Variants in PLCB1 observed in about 807,000 individuals in gnomAD.
The protein encoded by PLCB1 is 1-phosphatidylinositol 4,5-bisphosphate phosphodiesterase beta-1.
PLCB1 carries 46 observed loss-of-function variants against 161.8 expected under a neutral mutation model. The ratio of observed to expected loss-of-function variants is 0.28; its 90% CI spans 0.22 to 0.36. PLCB1 has a LOEUF of 0.36. PLCB1 is among the 10% of genes least tolerant of loss of function. PLCB1 has a pLI of 1.00. For missense variants in PLCB1, 1,016 were observed against 1,472.5 expected, an observed-to-expected ratio of 0.69 and a Z score of 5.07; for synonymous variants, 517 against 503.7, an observed-to-expected ratio of 1.03 and a Z score of -0.35.
chr20:8,346,340 G>T (rs1254069892), intron 2 of PLCB1, among the ~76,000 whole-genome samples: 1 of 152,106 alleles, frequency 6.6e-6, no homozygotes, highest in African/African-American at 2.4e-5. Flanking sequence ...GATTTTCAAG[G>T]CTTGAGTAAT....
At chr20:8,320,286 A>G (rs772048915) in intron 2 of PLCB1, among the ~76,000 whole-genome samples, 1 of 152,230 alleles carries the variant, frequency 6.6e-6, no homozygotes, top group Non-Finnish European at 1.5e-5. Context: ...CAACTACAAA[A>G]CATCCACGTA....
intron 12 of PLCB1, among the ~76,000 whole-genome samples, chr20:8,713,738 T>C (rs1410138815): frequency 6.6e-6 from 1 of 152,172 alleles, no homozygotes; most frequent in Non-Finnish European, 1.5e-5. Flanking sequence ...TGGCTTAAAA[T>C]GCATGTTCCG....
chr20:8,132,497 G>C lies in PLCB1; in HGVS notation c.-155G>C, dbSNP rs898459155. 3 of 390,748 alleles carry C rather than the reference G, an allele frequency of 7.7e-6. No individual in the cohort carries two copies. Among genetic ancestry groups the C allele is most frequent in the African/African-American group, 6.4e-5 (3 of 47,132 alleles). The allele number at this position is 390,748 out of a possible 1,614,324, so 24.2% of individuals were successfully genotyped here. A position where few individuals can be genotyped will look rare whatever the true frequency, so the allele number is the denominator to read the frequency against. ...GCCTGCTGAGCGGCGCCGGAGGGAG[G>C]TGCGGAGGCCGGGAGGCCGGGGAGG... is the stretch of plus-strand genomic sequence containing the variant. On this transcript the variant is annotated 5_prime_UTR_variant, in exon 1 of 32. Coordinates refer to ENST00000338037, the MANE Select transcript of PLCB1 (RefSeq NM_015192.4). The surrounding 1 kb of genome is among the most constrained non-coding windows in gnomAD (Gnocchi z 5.2).
At chr20:8,862,075 T>G (rs1004497901) in intron 31 of PLCB1, among the ~76,000 whole-genome samples, 2 of 152,228 alleles carry the variant, frequency 1.3e-5, no homozygotes, top group Non-Finnish European at 2.9e-5. Context: ...CAAAAGCTAT[T>G]TTCTTAAGGA....
intron 2 of PLCB1, among the ~76,000 whole-genome samples, chr20:8,255,426 T>C (rs1981361407): frequency 6.6e-6 from 1 of 152,086 alleles, no homozygotes; most frequent in Admixed American, 6.6e-5. Context: ...AACAATGTCA[T>C]TGCCCTAATC....
intron 1 of PLCB1, among the ~76,000 whole-genome samples, chr20:8,138,744 A>G (rs2051373093): frequency 6.6e-6 from 1 of 152,214 alleles, no homozygotes; most frequent in South Asian, 2.1e-4. Context: ...TAAAGGAACT[A>G]ACTAATTGGA....
intron 3 of PLCB1, among the ~76,000 whole-genome samples, chr20:8,455,675 C>CA (rs1981284179): frequency 6.6e-6 from 1 of 152,038 alleles, no homozygotes; most frequent in Middle Eastern, 3.2e-3. Context: ...AAGTGTGCTG[C>CA]ACCCACCTCT....
intron 31 of PLCB1, among the ~76,000 whole-genome samples, chr20:8,831,905 TTTCTTTC>T (rs1986003228): frequency 1.2e-5 from 1 of 82,564 alleles, no homozygotes; most frequent in Non-Finnish European, 2.6e-5. Flanking sequence ...TCTCCCTCTC[TTTCTTTC>T]TCTTTCTTTC....
At chr20:8,652,264 G>T (rs971285510) in intron 7 of PLCB1, 2 of 152,004 alleles carry the variant, frequency 1.3e-5, no homozygotes, top group Non-Finnish European at 2.9e-5. Flanking sequence ...CAAATTAAAT[G>T]TAATGATAAT....
rs1201874943 is a variant in PLCB1, at chr20:8,628,443, G to T, written c.384+12G>T. 3.1e-6 allele frequency: 5 copies of T among 1,613,668 alleles called. No homozygotes were observed. The highest frequency in any genetic ancestry group is 3.4e-6 in the Non-Finnish European group (4 of 1,179,764). ...AAGAAGTGGCCAAGGTATGGTGGATGGAAATTGCTAAAGCTTATCATCATG... is the reference window on the plus strand; with the variant it reads ...AAGAAGTGGCCAAGGTATGGTGGATTGAAATTGCTAAAGCTTATCATCATG... On this transcript the variant is annotated intron_variant, in intron 4 of 31. Coordinates refer to ENST00000338037, the MANE Select transcript of PLCB1 (RefSeq NM_015192.4).
intron 9 of PLCB1, among the ~76,000 whole-genome samples, chr20:8,668,107 C>G (rs1989858609): frequency 6.7e-6 from 1 of 150,260 alleles, no homozygotes; most frequent in Non-Finnish European, 1.5e-5. Context: ...CAATGTGATA[C>G]AACAGATAAG....
intron 3 of PLCB1, among the ~76,000 whole-genome samples, chr20:8,535,246 G>C (rs958500776): frequency 2.4e-5 from 3 of 126,388 alleles, no homozygotes; most frequent in Non-Finnish European, 3.2e-5. Context: ...ACTGTTTTAA[G>C]TATGATATCT....
intron 7 of PLCB1, among the ~76,000 whole-genome samples, chr20:8,653,930 A>T (rs1989384360): frequency 6.6e-6 from 1 of 152,066 alleles, no homozygotes; most frequent in Non-Finnish European, 1.5e-5. Context: ...TACAGTAATA[A>T]TGCCAACTGC....
chr20:8,232,225 A>AAGAG lies in PLCB1; in HGVS notation c.177+81876_177+81879dup, dbSNP rs35927160. 5.4e-3 allele frequency among the ~76,000 whole-genome samples: 809 copies of AAGAG among 148,454 alleles called. 5 individuals are homozygous for AAGAG. Among genetic ancestry groups the AAGAG allele is most frequent in the African/African-American group, 0.017 (670 of 40,044 alleles). Reference sequence around the variant, plus strand: ...ATAGCAAGAGCGCATCTCTTTAAAAAAGAGAGAGAGAGAGAGAGAGAGAGA... The same window carrying AAGAG: ...ATAGCAAGAGCGCATCTCTTTAAAAAAGAGAGAGAGAGAGAGAGAGAGAGAGAGA... On this transcript the variant is annotated intron_variant, in intron 2 of 31. Coordinates refer to ENST00000338037, the MANE Select transcript of PLCB1 (RefSeq NM_015192.4).
chr20:8,385,415 G>C (rs538057809), intron 3 of PLCB1, among the ~76,000 whole-genome samples: 1 of 152,324 alleles, frequency 6.6e-6, no homozygotes, highest in African/African-American at 2.4e-5. Context: ...CTGTAGAGAT[G>C]GATGCTGTCC....
At chr20:8,547,012 A>T (rs1985577285) in intron 3 of PLCB1, among the ~76,000 whole-genome samples, 1 of 152,184 alleles carries the variant, frequency 6.6e-6, no homozygotes, top group South Asian at 2.1e-4. Context: ...GCTTGGCATT[A>T]GTTAACAGTT....
intron 3 of PLCB1, among the ~76,000 whole-genome samples, chr20:8,522,522 C>T (rs1984392175): frequency 6.6e-6 from 1 of 152,094 alleles, no homozygotes; most frequent in Admixed American, 6.6e-5. Context: ...CCCCAACTGA[C>T]ACACGTGGTC....
At chr20:8,192,225 G>A (rs181690483) in intron 2 of PLCB1, among the ~76,000 whole-genome samples, 3 of 151,992 alleles carry the variant, frequency 2.0e-5, no homozygotes, top group Non-Finnish European at 4.4e-5. Flanking sequence ...TTAGGGAGAT[G>A]CTTGCCATTA....
intron 3 of PLCB1, among the ~76,000 whole-genome samples, chr20:8,604,293 T>G (rs1987694498): frequency 6.6e-6 from 1 of 151,444 alleles, no homozygotes; most frequent in African/African-American, 2.4e-5. Context: ...ACTTTGATAT[T>G]TTATGTTATG....
Sources: allele counts gnomAD v4.1 joint callset (sites outside exome capture counted in the v4.1 genomes callset), GRCh38; gene constraint gnomAD v4.1.1; non-coding constraint Gnocchi (gnomAD v3.1); transcripts MANE v1.5; gene names NCBI Gene and HGNC (gene_info 2026-07-23, HGNC 2026-07-21).